The following DMBT1 variants were observed in gnomAD, a reference collection of about 807,000 sequenced individuals.
DMBT1 encodes deleted in malignant brain tumors 1.
In DMBT1, 198 loss-of-function variants were observed where a neutral mutation model predicts 252.9. The observed-to-expected ratio is 0.78, with a 90% confidence interval of 0.70 to 0.88. DMBT1 has a LOEUF of 0.88. DMBT1 is among the 40% of genes least tolerant of loss of function. The pLI is 0.00. For synonymous variants in DMBT1, 990 were observed against 942.7 expected, an observed-to-expected ratio of 1.05 and a Z score of -0.92; for missense variants, 2,432 against 2,404.7, an observed-to-expected ratio of 1.01 and a Z score of -0.24.
intron 49 of DMBT1, 42 bp downstream of exon 49, chr10:122,631,323 T>A (rs775750791): frequency 5.0e-6 from 8 of 1,600,288 alleles, no homozygotes; most frequent in Non-Finnish European, 6.8e-6. Context: ...ACCTGTAACT[T>A]GCTATAAAGC....
At chr10:122,574,235 T>G (rs2133535818) in intron 6 of DMBT1, among the ~76,000 whole-genome samples, 1 of 152,352 alleles carries the variant, frequency 6.6e-6, no homozygotes, top group African/African-American at 2.4e-5. Flanking sequence ...ATCACAATCC[T>G]TCAGCTCATG....
At position 122,631,020 on chromosome 10, in the gene DMBT1, G is replaced by A. The variant is rs761165814; in HGVS notation, c.6085G>A (p.Glu2029Lys). The A allele has an allele frequency of 6.2e-7, 1 of 1,613,380 alleles. No individual in the cohort carries two copies. The highest frequency in any genetic ancestry group is 8.5e-7 in the Non-Finnish European group (1 of 1,179,338). ...CTATGGTCTATGTGCCGGGCGTGTA[G>A]AAATTTACCATGGTGGCACCTGGGG... Reference protein sequence around the residue: ...SSYGLCAGRVEIYHGGTWGTV... With the variant: ...SSYGLCAGRVKIYHGGTWGTV... Residue 2029 changes from glutamate to lysine, a missense_variant, in exon 49 of 56, where the codon GAA (glutamate) becomes AAA (lysine). Physicochemically the swap from Glu to Lys is moderately conservative, Grantham distance 56. Around this residue, in one of 3 missense-constraint regions of DMBT1, gnomAD observed 1,162 missense variants for 1,169.0 expected, o/e 0.99. Transcript: ENST00000338354.
chr10:122,594,236 G>T (rs1591375994), intron 21 of DMBT1, among the ~76,000 whole-genome samples: 1 of 137,840 alleles, frequency 7.3e-6, no homozygotes, highest in African/African-American at 2.5e-5. Context: ...GATGTGGGAT[G>T]GCATGGTGGG....
At chr10:122,591,032 C>G (rs1175852131) in intron 18 of DMBT1, among the ~76,000 whole-genome samples, 1 of 148,704 alleles carries the variant, frequency 6.7e-6, no homozygotes, top group African/African-American at 2.4e-5. Flanking sequence ...AGGGCCCCAT[C>G]TACCTCCAGA....
intron 5 of DMBT1, among the ~76,000 whole-genome samples, chr10:122,572,697 G>T (rs1387226711): frequency 2.6e-5 from 4 of 152,138 alleles, no homozygotes; most frequent in African/African-American, 4.8e-5. Context: ...TGTGGTGGAG[G>T]TAGGCTTCAG....
At chr10:122,629,727 G>A (rs1461149223) in intron 46 of DMBT1, 113 bp from the exon 47 acceptor site, 2 of 1,300,260 alleles carry the variant, frequency 1.5e-6, no homozygotes, top group East Asian at 2.4e-5. Context: ...GGAAAGTTAA[G>A]TCTTGTTATA....
intron 44 of DMBT1, among the ~76,000 whole-genome samples, chr10:122,622,402 G>T (rs1171977202): frequency 6.6e-6 from 1 of 152,236 alleles, no homozygotes. Flanking sequence ...GGAATTCATT[G>T]TCTCAGTTAT....
chr10:122,617,472 A>T (rs573113607), intron 40 of DMBT1, among the ~76,000 whole-genome samples: 3 of 151,480 alleles, frequency 2.0e-5, no homozygotes, highest in African/African-American at 7.3e-5. Context: ...ACCCTGTTCC[A>T]AGTGTTCAGG....
chr10:122,629,703 G>T, intron 46 of DMBT1, 137 bp from the exon 47 acceptor site: 2 of 1,040,392 alleles, frequency 1.9e-6, no homozygotes. Flanking sequence ...CCAAGAGAGG[G>T]GACTTGTTTA....
chr10:122,598,754 A>T lies in DMBT1; in HGVS notation c.2957-20A>T. 6.2e-7 allele frequency: 1 copy of T among 1,612,610 alleles called. No homozygotes were observed. The highest frequency in any genetic ancestry group is 8.5e-7 in the Non-Finnish European group (1 of 1,179,704). Reference sequence around the variant, plus strand: ...ACCTCATGATAGGGATGGATGAAGGATTCTTGTGTTCCCCTGTAGGATCTG... The same window carrying T: ...ACCTCATGATAGGGATGGATGAAGGTTTCTTGTGTTCCCCTGTAGGATCTG... On this transcript the variant is annotated intron_variant, in intron 25 of 55. Coordinates refer to ENST00000338354, the MANE Select transcript of DMBT1 (RefSeq NM_001377530.1).
At chr10:122,632,785 G>C in intron 50 of DMBT1, 76 bp from the exon 51 acceptor site, 1 of 1,572,264 alleles carries the variant, frequency 6.4e-7, no homozygotes, top group Non-Finnish European at 8.7e-7. Context: ...CACAGCATCT[G>C]CACAGCTCAT....
chr10:122,638,350 A>T lies in DMBT1; in HGVS notation c.6942+1038A>T, dbSNP rs572819356. On this transcript the variant is annotated intron_variant, in intron 54 of 55. Coordinates refer to ENST00000338354, the MANE Select transcript of DMBT1 (RefSeq NM_001377530.1). Reference sequence around the variant, plus strand: ...TCACACCCGTTTGGAGCGGCCAGACAACTCTGTCAGCCCTGTTTCTTCTAA... The same window carrying T: ...TCACACCCGTTTGGAGCGGCCAGACTACTCTGTCAGCCCTGTTTCTTCTAA... Among the ~76,000 whole-genome samples the T allele has an allele frequency of 6.4e-5, 9 of 140,760 alleles. No homozygotes were observed. In the South Asian group the frequency reaches 2.2e-3, roughly 35 times the overall value. 92.3% of individuals were successfully genotyped at this position (140,760 alleles called of 152,430 possible).
intron 2 of DMBT1, among the ~76,000 whole-genome samples, chr10:122,569,194 G>A (rs957275070): frequency 2.0e-5 from 3 of 152,118 alleles, no homozygotes; most frequent in African/African-American, 7.2e-5. Context: ...TTGATGAGCA[G>A]CATCACGACC....
rs754600183 is a variant in DMBT1, at chr10:122,643,356, C to G, written c.7587C>G (p.Ile2529Met). ...QEKVDVVLGP[I>M]QLQTPPRREE... is the part of the protein sequence containing the mutation. ...AGGTGGACGTCGTCCTGGGTCCCATCCAGCTGCAGACCCCCCCACGCCGAG... is the reference window on the plus strand; with the variant it reads ...AGGTGGACGTCGTCCTGGGTCCCATGCAGCTGCAGACCCCCCCACGCCGAG... The change falls in exon 56 of 56, where the codon ATC becomes ATG. Residue 2529 changes from isoleucine to methionine, a missense_variant. Around this residue, in one of 3 missense-constraint regions of DMBT1, gnomAD observed 1,162 missense variants for 1,169.0 expected, o/e 0.99. Coordinates refer to ENST00000338354, the MANE Select transcript of DMBT1 (RefSeq NM_001377530.1). The G allele has an allele frequency of 1.9e-6, 3 of 1,613,810 alleles. No homozygotes were observed. The highest frequency in any genetic ancestry group is 2.5e-6 in the Non-Finnish European group (3 of 1,179,876).
At position 122,580,873 on chromosome 10, in the gene DMBT1, G is replaced by A; in HGVS notation, c.1011G>A (p.Gln337=). The change falls in exon 11 of 56, where the codon CAG becomes CAA. Residue 337 remains glutamine, a synonymous_variant. Transcript: ENST00000338354. The part of the protein sequence containing the change: ...EDAGVICSAP[Q]SRPTPSPDTW... Reference sequence around the variant, plus strand: ...CTCTTCTCTTTCTCACAGCTCCCCAGTCCCGGCCGACACCCAGCCCAGGTA... The same window carrying A: ...CTCTTCTCTTTCTCACAGCTCCCCAATCCCGGCCGACACCCAGCCCAGGTA... 3 of 1,613,818 alleles carry A rather than the reference G, an allele frequency of 1.9e-6. No individual in the cohort carries two copies. Among genetic ancestry groups the A allele is most frequent in the East Asian group, 2.2e-5 (1 of 44,872 alleles).
intron 16 of DMBT1, 135 bp downstream of exon 16, chr10:122,586,518 G>C: frequency 7.2e-7 from 1 of 1,380,200 alleles, no homozygotes; most frequent in Non-Finnish European, 9.7e-7. Flanking sequence ...CTCTCTCCTA[G>C]GAAACCGCAT....
intron 46 of DMBT1, among the ~76,000 whole-genome samples, chr10:122,626,620 T>C (rs1268778641): frequency 1.3e-5 from 2 of 152,232 alleles, no homozygotes; most frequent in East Asian, 1.9e-4. Context: ...TTAGGTATTT[T>C]AAGATCTTGC....
At chr10:122,580,534 T>C (rs904004880) in intron 10 of DMBT1, among the ~76,000 whole-genome samples, 1 of 152,130 alleles carries the variant, frequency 6.6e-6, no homozygotes, top group African/African-American at 2.4e-5. Flanking sequence ...GGCTTGAAGA[T>C]CGCACAAGGG....
intron 11 of DMBT1, 147 bp downstream of exon 11, chr10:122,581,042 C>T (rs2097764236): frequency 1.4e-5 from 20 of 1,401,444 alleles, no homozygotes; most frequent in Non-Finnish European, 1.8e-5. Flanking sequence ...TAACTGAGAT[C>T]CCAGCACAGC....
Sources: allele counts gnomAD v4.1 joint callset (sites outside exome capture counted in the v4.1 genomes callset), GRCh38; gene constraint gnomAD v4.1.1; regional missense constraint gnomAD v4.1.1; transcripts MANE v1.5; gene names NCBI Gene and HGNC (gene_info 2026-07-23, HGNC 2026-07-21).